TMEM272: variants seen among roughly 807,000 people sequenced by gnomAD.
The protein encoded by TMEM272 is long intergenic non-protein coding RNA 282.
A neutral mutation model predicts 3.7 loss-of-function variants in TMEM272; 8 were observed. The observed-to-expected ratio is 2.17, with a 90% CI of 1.27 to 3.91. The LOEUF is 3.91. Among genes scored for constraint, TMEM272 ranks in the 30% most tolerant of loss-of-function variants. The probability of loss-of-function intolerance (pLI) is 0.00; values close to 1 mark genes in which losing one functional copy is unlikely to be tolerated. For missense variants in TMEM272, 166 were observed against 91.5 expected (o/e 1.81, Z -3.32); for synonymous variants, 63 against 39.8 (o/e 1.58, Z -2.20).
At chr13:51,842,056 A>G (rs1260003430) in intron 1 of TMEM272, among the ~76,000 whole-genome samples, 1 of 151,836 alleles carries the variant, frequency 6.6e-6, no homozygotes, top group Non-Finnish European at 1.5e-5. Context: ...CACACACATC[A>G]TATGACCTCG....
chr13:51,907,809 T>C, the TMEM272 span, among the ~76,000 whole-genome samples: 1 of 152,342 alleles, frequency 6.6e-6, no homozygotes, highest in East Asian at 1.9e-4. Flanking sequence ...TAATGCAACC[T>C]ATATATATTT....
At chr13:51,867,455 A>G in the TMEM272 span, among the ~76,000 whole-genome samples, 1 of 152,160 alleles carries the variant, frequency 6.6e-6, no homozygotes, top group African/African-American at 2.4e-5. Context: ...AAAGTACACT[A>G]GGATTTCACA....
intron 3 of TMEM272, among the ~76,000 whole-genome samples, chr13:51,822,911 C>G (rs1239750244): frequency 1.3e-5 from 2 of 152,160 alleles, no homozygotes; most frequent in Admixed American, 1.3e-4. Context: ...GAAGAAATGC[C>G]CATTTCCCTC....
At chr13:51,825,635 GTT>G (rs11295479) in intron 3 of TMEM272, among the ~76,000 whole-genome samples, 4,633 of 129,894 alleles carry the variant, frequency 0.036, 228 homozygotes, top group African/African-American at 0.12. Context: ...TTGTTTTTGT[GTT>G]TTTTTTTTTT....
chr13:51,832,303 G>A (rs1013436967), intron 2 of TMEM272, among the ~76,000 whole-genome samples: 1 of 152,152 alleles, frequency 6.6e-6, no homozygotes, highest in African/African-American at 2.4e-5. Flanking sequence ...TTTTTAAATG[G>A]GTAATCTTGA....
intron 2 of TMEM272, among the ~76,000 whole-genome samples, chr13:51,827,473 T>A (rs1956136245): frequency 3.9e-5 from 6 of 152,254 alleles, no homozygotes; most frequent in Admixed American, 3.3e-4. Flanking sequence ...GTTCTCCAGA[T>A]CGGCAGATAT....
chr13:51,842,001 T>C lies in TMEM272; in HGVS notation c.-24+3015A>G, dbSNP rs1956267758. Among the ~76,000 whole-genome samples the C allele has an allele frequency of 3.3e-5, 5 of 152,174 alleles. No homozygotes were observed. The South Asian group carries it at 8.3e-4, about 25-fold the overall frequency. ...ATGCTGGCCGACAAACTTTGCATAT[T>C]GTGTTCAACTTCCCTTACAAGGAAT... On this transcript the variant is annotated intron_variant, in intron 1 of 4. Coordinates refer to ENST00000629372, the MANE Select transcript of TMEM272 (RefSeq NM_001351003.2).
At chr13:51,897,313 A>G in the TMEM272 span, among the ~76,000 whole-genome samples, 1 of 144,782 alleles carries the variant, frequency 6.9e-6, no homozygotes, top group South Asian at 2.2e-4. Context: ...ATCCTATCTC[A>G]GCCTCCAAAG....
the TMEM272 span, among the ~76,000 whole-genome samples, chr13:51,905,806 G>A: frequency 2.4e-4 from 36 of 152,370 alleles, no homozygotes; most frequent in Admixed American, 4.6e-4. Flanking sequence ...GCGTGTGTCT[G>A]AGGACAATGC....
At chr13:51,861,037 C>A in the TMEM272 span, among the ~76,000 whole-genome samples, 1 of 151,712 alleles carries the variant, frequency 6.6e-6, no homozygotes, top group South Asian at 2.1e-4. Context: ...CCGTTTGTCA[C>A]AAGATAGATG....
chr13:51,905,707 A>C, the TMEM272 span, among the ~76,000 whole-genome samples: 80 of 152,356 alleles, frequency 5.3e-4, no homozygotes, highest in African/African-American at 1.9e-3. Flanking sequence ...ATCAAGGGCC[A>C]TGCGACACTT....
At chr13:51,842,550 A>C (rs1956271924) in intron 1 of TMEM272, among the ~76,000 whole-genome samples, 1 of 152,230 alleles carries the variant, frequency 6.6e-6, no homozygotes, top group African/African-American at 2.4e-5. Flanking sequence ...TCACAGAAAA[A>C]TTAGATCAAG....
chr13:51,848,718 T>C (rs992945857), upstream of TMEM272, among the ~76,000 whole-genome samples: 1 of 152,038 alleles, frequency 6.6e-6, no homozygotes, highest in African/African-American at 2.4e-5. Context: ...TGAAGGGAGA[T>C]GCTAAAGTTG....
intron 2 of TMEM272, among the ~76,000 whole-genome samples, chr13:51,831,380 C>T (rs901844457): frequency 5.9e-5 from 9 of 152,164 alleles, no homozygotes; most frequent in Middle Eastern, 3.4e-3. Flanking sequence ...ACCATAATCC[C>T]GCCTCTGCAC....
chr13:51,899,962 G>T, the TMEM272 span, among the ~76,000 whole-genome samples: 1 of 152,150 alleles, frequency 6.6e-6, no homozygotes, highest in Admixed American at 6.5e-5. Context: ...AAAGAATGAA[G>T]TTGGACTCCT....
chr13:51,866,736 G>A, the TMEM272 span, among the ~76,000 whole-genome samples: 4 of 152,178 alleles, frequency 2.6e-5, no homozygotes, highest in Non-Finnish European at 5.9e-5. Context: ...TCAAGAGTGC[G>A]GCCCCCAAGA....
intron 4 of TMEM272, among the ~76,000 whole-genome samples, chr13:51,819,840 G>T (rs1956064139): frequency 6.6e-6 from 1 of 152,316 alleles, no homozygotes; most frequent in Non-Finnish European, 1.5e-5. Flanking sequence ...GGTAGGCAAT[G>T]GTCACTGAAT....
At chr13:51,878,294 G>A in the TMEM272 span, among the ~76,000 whole-genome samples, 2 of 152,228 alleles carry the variant, frequency 1.3e-5, no homozygotes, top group South Asian at 2.1e-4. Flanking sequence ...GCCAGGCGTC[G>A]TGGCAGGCAC....
chr13:51,924,803 C>G, the TMEM272 span, among the ~76,000 whole-genome samples: 1 of 152,182 alleles, frequency 6.6e-6, no homozygotes, highest in Non-Finnish European at 1.5e-5. Flanking sequence ...CTCTTCCCCT[C>G]CCGAGCAAAT....
Sources: allele counts gnomAD v4.1 joint callset (sites outside exome capture counted in the v4.1 genomes callset), GRCh38; gene constraint gnomAD v4.1.1; transcripts MANE v1.5; gene names NCBI Gene and HGNC (gene_info 2026-07-23, HGNC 2026-07-21).